Variants in SMG6 observed in about 807,000 individuals in gnomAD.
SMG6 encodes the protein telomerase-binding protein EST1A.
A neutral mutation model predicts 142.2 loss-of-function variants in SMG6; 66 were observed. That is an observed-to-expected ratio of 0.46 (90% CI 0.38 to 0.57). The LOEUF is 0.57. Among genes scored for constraint, SMG6 ranks in the 20% least tolerant of loss-of-function variants. The pLI is 0.00. For missense variants in SMG6, 1,793 were observed against 1,832.0 expected (o/e 0.98, Z 0.39); for synonymous variants, 779 against 702.4 (o/e 1.11, Z -1.72).
Position 2,061,403 on chromosome 17 carries a change from C to A in SMG6, c.*89G>T, listed in dbSNP as rs900013431. On this transcript the variant is annotated 3_prime_UTR_variant, in exon 19 of 19. Transcript: ENST00000263073. Reference sequence around the variant, plus strand: ...TTATTGTCTGGGTGGATTGGTGGCTCAGGCACGTGGGCATCTTCCGTGCTA... The same window carrying A: ...TTATTGTCTGGGTGGATTGGTGGCTAAGGCACGTGGGCATCTTCCGTGCTA... 8.3e-6 allele frequency: 11 copies of A among 1,318,930 alleles called. No individual in the cohort carries two copies. The highest frequency in any genetic ancestry group is 1.1e-5 in the Non-Finnish European group (11 of 967,432). The allele number at this position is 1,318,930 out of a possible 1,614,324, so 81.7% of individuals were successfully genotyped here. A position where few individuals can be genotyped will look rare whatever the true frequency, so the allele number is the denominator to read the frequency against.
intron 8 of SMG6, among the ~76,000 whole-genome samples, chr17:2,276,457 T>C (rs1209987901): frequency 6.6e-6 from 1 of 152,132 alleles, no homozygotes; most frequent in Non-Finnish European, 1.5e-5. Context: ...CGATCTTGGC[T>C]CACTACAACT....
intron 12 of SMG6, among the ~76,000 whole-genome samples, chr17:2,176,788 T>C (rs555556769): frequency 6.6e-6 from 1 of 152,260 alleles, no homozygotes; most frequent in African/African-American, 2.4e-5. Context: ...AGATCCGAGT[T>C]TGGGACAAAC....
chr17:2,081,664 G>A (rs1176080831), intron 15 of SMG6, 146 bp downstream of exon 15: 2 of 960,562 alleles, frequency 2.1e-6, no homozygotes, highest in African/African-American at 3.2e-5. Context: ...TTTAGTGGTA[G>A]AGTGAAAAAC....
At chr17:2,070,995 C>T (rs562569864) in intron 15 of SMG6, among the ~76,000 whole-genome samples, 2 of 152,226 alleles carry the variant, frequency 1.3e-5, no homozygotes, top group Non-Finnish European at 2.9e-5. Flanking sequence ...TCAGGCCATG[C>T]GCTCTCCGTC....
In SMG6 at chr17:2,255,423, AAAAAAAG is replaced by A. The variant is rs1221718425; in HGVS notation, c.2662-10711_2662-10705del. Among the ~76,000 whole-genome samples the A allele has an allele frequency of 1.5e-4, 22 of 149,522 alleles. 1 individual carries two copies. The highest frequency in any genetic ancestry group is 8.6e-4 in the East Asian group (4 of 4,636). On this transcript the variant is annotated intron_variant, in intron 8 of 18. Coordinates refer to ENST00000263073, the MANE Select transcript of SMG6 (RefSeq NM_017575.5). ...CGTCTCAAAAAAAAAAAAAAAAAAA[AAAAAAAG>A]AATGTGATCTTCATTAAAGCCACTG...
Position 2,085,545 on chromosome 17 carries a change from C to T in SMG6, c.3534+180G>A, listed in dbSNP as rs1210935006. Among the ~76,000 whole-genome samples the T allele has an allele frequency of 6.6e-6, 1 of 152,188 alleles. No individual in the cohort carries two copies. The highest frequency in any genetic ancestry group is 1.5e-5 in the Non-Finnish European group (1 of 68,036). On this transcript the variant is annotated intron_variant, in intron 14 of 18. Coordinates refer to ENST00000263073, the MANE Select transcript of SMG6 (RefSeq NM_017575.5). The surrounding 1 kb of genome is among the most constrained non-coding windows in gnomAD (Gnocchi z 4.1). ...AACTCGTAGTGGAGTAGGATGGAGG[C>T]ACCGGGGTGGACTGGCAGGAAGGGG...
intron 13 of SMG6, among the ~76,000 whole-genome samples, chr17:2,104,229 G>A (rs928148361): frequency 6.6e-6 from 1 of 152,064 alleles, no homozygotes; most frequent in Non-Finnish European, 1.5e-5. Context: ...GGGATTACAG[G>A]CGTGAGCCAC....
intron 13 of SMG6, among the ~76,000 whole-genome samples, chr17:2,128,066 C>T (rs1239495342): frequency 6.6e-6 from 1 of 152,204 alleles, no homozygotes; most frequent in East Asian, 1.9e-4. Context: ...TGCAGGTATC[C>T]AGCAGACTCC....
chr17:2,191,208 T>C (rs979385952), intron 10 of SMG6, among the ~76,000 whole-genome samples: 1 of 152,232 alleles, frequency 6.6e-6, no homozygotes, highest in East Asian at 1.9e-4. Context: ...ATGCACTAAG[T>C]GCACAGCATC....
chr17:2,082,140 C>G (rs1467611502), intron 14 of SMG6, 184 bp from the exon 15 acceptor site: 1 of 606,212 alleles, frequency 1.6e-6, no homozygotes, highest in African/African-American at 1.8e-5. Flanking sequence ...AGCTGTCACT[C>G]TTCCCCCGGA....
At chr17:2,249,365 G>A (rs1011842973) in intron 8 of SMG6, among the ~76,000 whole-genome samples, 3 of 152,120 alleles carry the variant, frequency 2.0e-5, no homozygotes, top group Admixed American at 6.6e-5. Context: ...GCAACATCAC[G>A]GCTCACTGCA....
Position 2,253,203 on chromosome 17 carries a change from G to A in SMG6, c.2662-8484C>T, listed in dbSNP as rs182527433. Among the ~76,000 whole-genome samples the A allele has an allele frequency of 7.7e-3, 1,169 of 151,694 alleles. 14 individuals carry two copies. The highest frequency in any genetic ancestry group is 0.038 in the Admixed American group (579 of 15,214). On this transcript the variant is annotated intron_variant, in intron 8 of 18. Coordinates refer to ENST00000263073, the MANE Select transcript of SMG6 (RefSeq NM_017575.5). ...GTCACCCAGGCTGGAGTGCAGTGGCGCGATCTCGGCTCACTCTAAGCTCCG... is the reference window on the plus strand; with the variant it reads ...GTCACCCAGGCTGGAGTGCAGTGGCACGATCTCGGCTCACTCTAAGCTCCG...
intron 13 of SMG6, chr17:2,127,370 A>T: frequency 1.7e-6 from 1 of 602,844 alleles, no homozygotes; most frequent in South Asian, 1.5e-5. Context: ...TTGTACACTT[A>T]AGAAATGGTT....
intron 13 of SMG6, among the ~76,000 whole-genome samples, chr17:2,147,932 C>T (rs1210536030): frequency 6.6e-6 from 1 of 152,094 alleles, no homozygotes. Flanking sequence ...GTGCCTCACG[C>T]CTTAAATCCC....
At chr17:2,281,556 A>G (rs1431536518) in intron 8 of SMG6, among the ~76,000 whole-genome samples, 2 of 152,038 alleles carry the variant, frequency 1.3e-5, no homozygotes, top group South Asian at 2.1e-4. Context: ...AGTCTTTTTC[A>G]TATCTCACTT....
rs754042056 is a variant in SMG6 at position 2,303,334 on chromosome 17, T to C, written c.88+299A>G. 202 of 1,165,616 alleles carry C rather than the reference T, an allele frequency of 1.7e-4. 1 individual carries two copies. The highest frequency in any genetic ancestry group is 4.7e-5 in the Admixed American group (1 of 21,366). 72.2% of individuals were successfully genotyped at this position (1,165,616 alleles called of 1,614,324 possible). On this transcript the variant is annotated intron_variant, in intron 1 of 18. Coordinates refer to ENST00000263073, the MANE Select transcript of SMG6 (RefSeq NM_017575.5). ...TTCCGCGTCTCCCGATGCCTGGGAA[T>C]CCGGGGCGGGTCTGAGAGGGCTGGG...
chr17:2,211,882 CT>C (rs367645184), intron 10 of SMG6, among the ~76,000 whole-genome samples: 195 of 152,264 alleles, frequency 1.3e-3, no homozygotes, highest in African/African-American at 4.5e-3. Context: ...CGCTCCAACT[CT>C]TCCTGCCCAA....
chr17:2,151,074 C>T (rs551731940), intron 13 of SMG6, among the ~76,000 whole-genome samples: 1 of 152,296 alleles, frequency 6.6e-6, no homozygotes, highest in African/African-American at 2.4e-5. Flanking sequence ...CCGAGGCCAA[C>T]ATAAGCTGGC....
At chr17:2,108,917 C>T (rs1041729178) in intron 13 of SMG6, among the ~76,000 whole-genome samples, 1 of 152,200 alleles carries the variant, frequency 6.6e-6, no homozygotes, top group Non-Finnish European at 1.5e-5. Context: ...TGCACTCCAG[C>T]CTGGGCGACA....
Sources: allele counts gnomAD v4.1 joint callset (sites outside exome capture counted in the v4.1 genomes callset), GRCh38; gene constraint gnomAD v4.1.1; non-coding constraint Gnocchi (gnomAD v3.1); transcripts MANE v1.5; gene names NCBI Gene and HGNC (gene_info 2026-07-23, HGNC 2026-07-21).